The following ZFR variants were observed in gnomAD, a reference collection of about 807,000 sequenced individuals.
The protein encoded by ZFR is zinc finger RNA-binding protein.
ZFR carries 19 observed loss-of-function variants against 130.7 expected under a neutral mutation model. The observed-to-expected ratio is 0.15, with a 90% CI of 0.10 to 0.21. The LOEUF (loss-of-function observed/expected upper bound fraction) is 0.21. ZFR is among the 10% of genes least tolerant of loss of function. ZFR has a pLI of 1.00. For synonymous variants in ZFR, 466 were observed against 456.9 expected (o/e 1.02, Z -0.25); for missense variants, 872 against 1,321.5 (o/e 0.66, Z 5.27).
intron 2 of ZFR, among the ~76,000 whole-genome samples, chr5:32,422,521 G>C (rs1260928768): frequency 6.6e-6 from 1 of 152,164 alleles, no homozygotes; most frequent in Non-Finnish European, 1.5e-5. Flanking sequence ...GGAAGGCTGG[G>C]CATGGTGGCT....
chr5:32,370,360 A>C (rs1420698072), intron 17 of ZFR, among the ~76,000 whole-genome samples: 2 of 142,898 alleles, frequency 1.4e-5, no homozygotes, highest in African/African-American at 5.8e-5. Context: ...AGAGACAGAC[A>C]GACAGACAGG....
chr5:32,400,721 G>A (rs1753430561), intron 8 of ZFR, among the ~76,000 whole-genome samples: 1 of 152,220 alleles, frequency 6.6e-6, no homozygotes, highest in Non-Finnish European at 1.5e-5. Flanking sequence ...GGATGTGATG[G>A]TGCATGCCTG....
At chr5:32,412,461 C>A (rs1005381010) in intron 5 of ZFR, among the ~76,000 whole-genome samples, 23 of 152,254 alleles carry the variant, frequency 1.5e-4, no homozygotes, top group African/African-American at 5.5e-4. Context: ...AGAATGGCAA[C>A]CAAATACAAT....
intron 19 of ZFR, among the ~76,000 whole-genome samples, chr5:32,357,023 C>G (rs1002384591): frequency 6.6e-6 from 1 of 152,166 alleles, no homozygotes; most frequent in Non-Finnish European, 1.5e-5. Context: ...TGGTCTTACT[C>G]TGTTGCCCAG....
At chr5:32,368,094 T>C (rs2032888) in intron 17 of ZFR, among the ~76,000 whole-genome samples, 142,606 of 152,256 alleles carry the variant, frequency 0.94, 66,880 homozygotes, top group African/African-American at 0.97. Context: ...TATTAGTTTC[T>C]AGCTCTGGTA....
At chr5:32,377,277 G>C (rs1752844175) in intron 17 of ZFR, among the ~76,000 whole-genome samples, 1 of 150,832 alleles carries the variant, frequency 6.6e-6, no homozygotes, top group African/African-American at 2.4e-5. Flanking sequence ...TCTGTTGCCA[G>C]GCTGGAGTGC....
chr5:32,444,359 G>T (rs1754553984), intron 1 of ZFR, 31 bp from the exon 2 acceptor site: 2 of 1,532,650 alleles, frequency 1.3e-6, no homozygotes, highest in South Asian at 1.2e-5. Context: ...CGGGTCCCAT[G>T]GCGGGACAAG....
At chr5:32,390,527 CCCCA>C in intron 11 of ZFR, 90 bp from the exon 12 acceptor site, 2 of 1,286,064 alleles carry the variant, frequency 1.6e-6, no homozygotes, top group Non-Finnish European at 2.1e-6. Flanking sequence ...CAATAAAAAA[CCCCA>C]CCAACATCAG....
rs184242870 is a variant in ZFR at position 32,393,474 on chromosome 5, G to A, written c.1979+1685C>T. On this transcript the variant is annotated intron_variant, in intron 11 of 19. Transcript: ENST00000265069. ...TTCTCCTGCCTCAGCCTCCTGAGTA[G>A]CCGGAATTACAGGCATGCGCCACCA... Among the ~76,000 whole-genome samples the A allele has an allele frequency of 4.4e-4, 67 of 152,080 alleles. No individual in the cohort carries two copies. The Middle Eastern group carries it at 0.01, about 23-fold the overall frequency.
chr5:32,403,092 ATAT>A lies in ZFR; in HGVS notation c.1516+11_1516+13del. 6.2e-7 allele frequency: 1 copy of A among 1,610,720 alleles called. No individual in the cohort carries two copies. The highest frequency in any genetic ancestry group is 8.5e-7 in the Non-Finnish European group (1 of 1,177,896). ...TTGACAGAGTCAGCAGGGACAGAGA[ATAT>A]CAGTACTTGCCAACAAAATTTATTT... On this transcript the variant is annotated intron_variant, in intron 8 of 19. Transcript: ENST00000265069.
intron 8 of ZFR, among the ~76,000 whole-genome samples, chr5:32,401,344 A>T (rs1433280026): frequency 6.6e-6 from 1 of 152,248 alleles, no homozygotes; most frequent in Non-Finnish European, 1.5e-5. Context: ...GCACTATAAG[A>T]AGTATGGACT....
At chr5:32,379,077 C>T (rs1437500210) in intron 17 of ZFR, 38 bp downstream of exon 17, 1 of 1,448,570 alleles carries the variant, frequency 6.9e-7, no homozygotes. Context: ...GAATTATTTC[C>T]TACATGTTTT....
At chr5:32,421,764 T>A (rs544341193) in intron 2 of ZFR, among the ~76,000 whole-genome samples, 1 of 152,260 alleles carries the variant, frequency 6.6e-6, no homozygotes, top group South Asian at 2.1e-4. Flanking sequence ...AAGAAACTCA[T>A]AGAATTTCTA....
chr5:32,425,087 C>T (rs2111836042), intron 2 of ZFR, among the ~76,000 whole-genome samples: 1 of 152,194 alleles, frequency 6.6e-6, no homozygotes, highest in Non-Finnish European at 1.5e-5. Flanking sequence ...CAGTCCTAAA[C>T]TGTGATTGTA....
At chr5:32,413,503 T>C (rs956850774) in intron 5 of ZFR, among the ~76,000 whole-genome samples, 1 of 151,450 alleles carries the variant, frequency 6.6e-6, no homozygotes, top group African/African-American at 2.4e-5. Flanking sequence ...TCTAAAAAAA[T>C]AGTTTCTAAT....
intron 17 of ZFR, among the ~76,000 whole-genome samples, chr5:32,377,214 T>C (rs118158209): frequency 2.7e-5 from 4 of 147,494 alleles, no homozygotes; most frequent in East Asian, 4.0e-4. Context: ...TTATTTCTCT[T>C]TCTCTCTCTC....
At chr5:32,358,791 C>T (rs932701599) in intron 19 of ZFR, among the ~76,000 whole-genome samples, 6 of 151,870 alleles carry the variant, frequency 4.0e-5, no homozygotes, top group East Asian at 1.9e-4. Context: ...GAACTATCAG[C>T]AGAACTGAGA....
chr5:32,408,328 A>AC (rs367750726), intron 5 of ZFR, among the ~76,000 whole-genome samples: 39,894 of 132,230 alleles, frequency 0.3, 6,237 homozygotes, highest in Middle Eastern at 0.45. Context: ...AAAAAAAAAA[A>AC]AAAAAAAAAC....
At chr5:32,424,529 T>C (rs1185582359) in intron 2 of ZFR, among the ~76,000 whole-genome samples, 1 of 136,696 alleles carries the variant, frequency 7.3e-6, no homozygotes. Context: ...CGAGACTCCG[T>C]CTCAAAAAAA....
Sources: gnomAD v4.1 joint callset for allele counts (sites outside exome capture counted in the v4.1 genomes callset) on GRCh38, gnomAD v4.1.1 for gene constraint, MANE v1.5 for transcripts, NCBI Gene and HGNC (gene_info 2026-07-23, HGNC 2026-07-21) for gene names.